FGD4: variants seen among roughly 807,000 people sequenced by gnomAD.
FGD4 encodes the protein FYVE, RhoGEF and PH domain-containing protein 4.
A neutral mutation model predicts 102.0 loss-of-function variants in FGD4; 42 were observed. That is an observed-to-expected ratio of 0.41 (90% CI 0.32 to 0.53). FGD4 has a LOEUF of 0.53. FGD4 is among the 20% of genes least tolerant of loss of function. The pLI is 0.21. For synonymous variants in FGD4, 380 were observed against 375.7 expected (o/e 1.01, Z -0.13); for missense variants, 902 against 1,078.2 (o/e 0.84, Z 2.29).
At chr12:32,508,115 G>A (rs985991007) in intron 1 of FGD4, among the ~76,000 whole-genome samples, 9 of 152,210 alleles carry the variant, frequency 5.9e-5, no homozygotes, top group African/African-American at 2.2e-4. Flanking sequence ...AGGGTACAGA[G>A]GGGAGGGGTT....
chr12:32,600,448 T>TAAAATTAA, intron 5 of FGD4: 1 of 1,287,450 alleles, frequency 7.8e-7, no homozygotes, highest in Non-Finnish European at 1.0e-6. Context: ...TTAACAACCA[T>TAAAATTAA]CTGGACATTA....
rs577540223 is a variant in FGD4, at chr12:32,430,299, C to G, written c.166+30340C>G. Reference sequence around the variant, plus strand: ...CTCCAGCCTTGGTGATAAAGTGAGACTCTGTCTCAAAAAAGAAAAAAAAAA... The same window carrying G: ...CTCCAGCCTTGGTGATAAAGTGAGAGTCTGTCTCAAAAAAGAAAAAAAAAA... On this transcript the variant is annotated intron_variant, in intron 1 of 16. Coordinates refer to ENST00000534526, the MANE Select transcript of FGD4 (RefSeq NM_001370298.3). Among the ~76,000 whole-genome samples, 3 of 151,442 alleles carry G rather than the reference C, an allele frequency of 2.0e-5. No individual in the cohort carries two copies. In the East Asian group the frequency reaches 5.8e-4, roughly 29 times the overall value.
In FGD4 at chr12:32,582,230, C is replaced by G; in HGVS notation, c.774C>G (p.Pro258=). Residue 258 remains proline (P), a synonymous_variant, in exon 4 of 17, where the codon CCC becomes CCG. Coordinates refer to ENST00000534526, the MANE Select transcript of FGD4 (RefSeq NM_001370298.3). ...ATACTTCTATTCAAGCTTCTGAACC[C>G]TTGCTTGATACGCACATAGTGAATG... ...SSDTSIQASE[P]LLDTHIVNGE... is the part of the protein sequence containing the mutation. 1.9e-6 allele frequency: 3 copies of G among 1,614,224 alleles called. No homozygotes were observed. The highest frequency in any genetic ancestry group is 2.5e-6 in the Non-Finnish European group (3 of 1,180,038).
rs1942111609 is a variant in FGD4, at chr12:32,433,134, C to CTACA, written c.166+33176_166+33179dup. ...GCCTCAGCCTCCGAAAAAGCTGAGACTACAGGTGTGCACCACCACACCTCG... is the reference window on the plus strand; with the variant it reads ...GCCTCAGCCTCCGAAAAAGCTGAGACTACATACAGGTGTGCACCACCACACCTCG... On this transcript the variant is annotated intron_variant, in intron 1 of 16. Transcript: ENST00000534526. 4.6e-5 allele frequency among the ~76,000 whole-genome samples: 7 copies of CTACA among 151,340 alleles called. No individual in the cohort carries two copies. The South Asian group carries it at 1.5e-3, about 32-fold the overall frequency.
Position 32,564,268 on chromosome 12 carries a change from G to T in FGD4, c.298G>T (p.Ala100Ser), listed in dbSNP as rs750437348. ...TGGGAACAGGCCAGCAAAACACTCA[G>T]CTGCAAGTCCAAAGCCACAAGGTAT... ...INGNRPAKHSAASPKPQVPPK... is the reference protein window; with the variant it reads ...INGNRPAKHSSASPKPQVPPK... Residue 100 changes from alanine (A) to serine (S), a missense_variant, in exon 2 of 17, where the codon GCT becomes TCT. Ala to Ser is a moderately conservative substitution (Grantham distance 99). This residue lies in a region of FGD4 where 443 missense variants were observed against 459.2 expected (regional missense o/e 0.96). Coordinates refer to ENST00000534526, the MANE Select transcript of FGD4 (RefSeq NM_001370298.3). The T allele has an allele frequency of 3.2e-5, 49 of 1,535,968 alleles. No homozygotes were observed. Among genetic ancestry groups the T allele is most frequent in the Non-Finnish European group, 4.0e-5 (46 of 1,146,904 alleles).
intron 1 of FGD4, among the ~76,000 whole-genome samples, chr12:32,531,462 T>A (rs1039893519): frequency 1.3e-5 from 2 of 152,314 alleles, no homozygotes; most frequent in African/African-American, 4.8e-5. Flanking sequence ...TTATGAAAAG[T>A]CAGTTCCCTT....
intron 1 of FGD4, among the ~76,000 whole-genome samples, chr12:32,535,132 A>G (rs540759724): frequency 1.3e-5 from 2 of 152,352 alleles, no homozygotes; most frequent in Admixed American, 6.5e-5. Flanking sequence ...ATGTAATTCA[A>G]CTGTGTGATA....
chr12:32,493,323 G>C (rs1012115955), intron 1 of FGD4, among the ~76,000 whole-genome samples: 2 of 152,200 alleles, frequency 1.3e-5, no homozygotes, highest in African/African-American at 4.8e-5. Context: ...CATGGAGAAA[G>C]TCAGTGACCT....
Position 32,638,789 on chromosome 12 carries a change from C to T in FGD4, c.2448C>T (p.Ala816=), listed in dbSNP as rs1950994428. The stretch of plus-strand genomic sequence containing the variant: ...CTCTTGTGCTGTACATGTATGGTGC[C>T]CCCCAGGTATCTAAACCACATCTGT... The part of the protein sequence containing the change: ...QDPLVLYMYG[A]PQDVRAQATI... The change falls in exon 16 of 17, where the codon GCC becomes GCT. Residue 816 remains alanine, a synonymous_variant. Coordinates refer to ENST00000534526, the MANE Select transcript of FGD4 (RefSeq NM_001370298.3). The T allele has an allele frequency of 6.2e-7, 1 of 1,613,914 alleles. No individual in the cohort carries two copies. The highest frequency in any genetic ancestry group is 8.5e-7 in the Non-Finnish European group (1 of 1,179,898).
intron 1 of FGD4, among the ~76,000 whole-genome samples, chr12:32,538,915 G>C (rs945112239): frequency 1.3e-5 from 2 of 152,152 alleles, no homozygotes; most frequent in African/African-American, 2.4e-5. Context: ...TCAGCTGGGC[G>C]TGGTGGCACG....
intron 1 of FGD4, among the ~76,000 whole-genome samples, chr12:32,550,530 G>A (rs1013485130): frequency 4.0e-5 from 6 of 151,572 alleles, no homozygotes; most frequent in South Asian, 4.2e-4. Context: ...AAAATTAGCC[G>A]GGTGTGATGG....
chr12:32,540,854 G>A (rs1215624240), intron 1 of FGD4, among the ~76,000 whole-genome samples: 5 of 152,032 alleles, frequency 3.3e-5, no homozygotes, highest in Non-Finnish European at 1.5e-5. Context: ...CAAGATTGAT[G>A]TCTTAATGTG....
chr12:32,601,510 A>G, intron 6 of FGD4, 87 bp downstream of exon 6: 1 of 1,450,384 alleles, frequency 6.9e-7, no homozygotes, highest in Non-Finnish European at 9.3e-7. Context: ...TGCCACACAC[A>G]ACTGTAACTA....
intron 3 of FGD4, among the ~76,000 whole-genome samples, chr12:32,578,925 C>T (rs1193143765): frequency 6.6e-6 from 1 of 151,610 alleles, no homozygotes; most frequent in African/African-American, 2.4e-5. Flanking sequence ...CCTTCTTTCT[C>T]CTATTCCTCC....
At chr12:32,491,132 T>TAAAAAAAAAA (rs72008264) in intron 1 of FGD4, among the ~76,000 whole-genome samples, 15 of 106,570 alleles carry the variant, frequency 1.4e-4, no homozygotes, top group Non-Finnish European at 2.2e-4. Flanking sequence ...TTCTGCCAGT[T>TAAAAAAAAAA]AAAAAAAAAA....
intron 4 of FGD4, among the ~76,000 whole-genome samples, chr12:32,585,834 CAAAAAA>C (rs58688697): frequency 6.7e-4 from 46 of 68,804 alleles, no homozygotes; most frequent in East Asian, 2.6e-3. Flanking sequence ...GACCTTGTCT[CAAAAAA>C]AAAAAAAAAA....
chr12:32,589,736 T>A lies in FGD4; in HGVS notation c.1011+7269T>A, dbSNP rs574865243. Among the ~76,000 whole-genome samples, 160 of 152,284 alleles carry A rather than the reference T, an allele frequency of 1.1e-3. 1 individual carries two copies. The highest frequency in any genetic ancestry group is 1.5e-3 in the Non-Finnish European group (104 of 68,018). Reference sequence around the variant, plus strand: ...AACCTCTGTTTCCCCCTCCTCCCCATGTCACGAAAGAACGTAATTGAAACC... The same window carrying A: ...AACCTCTGTTTCCCCCTCCTCCCCAAGTCACGAAAGAACGTAATTGAAACC... On this transcript the variant is annotated intron_variant, in intron 4 of 16. Coordinates refer to ENST00000534526, the MANE Select transcript of FGD4 (RefSeq NM_001370298.3).
intron 1 of FGD4, among the ~76,000 whole-genome samples, chr12:32,488,547 CCT>C (rs1491079562): frequency 2.7e-5 from 4 of 146,956 alleles, no homozygotes; most frequent in African/African-American, 7.4e-5. Context: ...TTGTGTTCCC[CCT>C]GTTAGCTTAG....
chr12:32,473,186 G>A (rs1388539679), intron 1 of FGD4, among the ~76,000 whole-genome samples: 1 of 152,066 alleles, frequency 6.6e-6, no homozygotes, highest in Non-Finnish European at 1.5e-5. Context: ...CCAATCAGCA[G>A]GATGTGGGTG....
Sources: gnomAD v4.1 joint callset for allele counts (sites outside exome capture counted in the v4.1 genomes callset) on GRCh38, gnomAD v4.1.1 for gene constraint, gnomAD v4.1.1 regional missense constraint, MANE v1.5 for transcripts, NCBI Gene and HGNC (gene_info 2026-07-23, HGNC 2026-07-21) for gene names.